Variants in ZBED4 observed in about 807,000 individuals in gnomAD.
ZBED4 encodes zinc finger BED domain-containing protein 4.
Under a neutral mutation model 15.5 loss-of-function variants are expected in ZBED4, and 4 were observed. The ratio of observed to expected loss-of-function variants is 0.26; its 90% CI spans 0.13 to 0.59. The LOEUF is 0.59. ZBED4 is among the 20% of genes least tolerant of loss of function. The probability of loss-of-function intolerance (pLI) is 0.90; values close to 1 mark genes in which losing one functional copy is unlikely to be tolerated. For missense variants in ZBED4, 1,323 were observed against 1,461.8 expected, an observed-to-expected ratio of 0.91 and a Z score of 1.55; for synonymous variants, 692 against 608.5, an observed-to-expected ratio of 1.14 and a Z score of -2.02.
At chr22:49,870,654 T>C (rs1262478351) in intron 1 of ZBED4, among the ~76,000 whole-genome samples, 3 of 152,176 alleles carry the variant, frequency 2.0e-5, no homozygotes, top group Non-Finnish European at 2.9e-5. Context: ...TGTCCTTTGC[T>C]TGCTTTTTAA....
At position 49,884,107 on chromosome 22, in the gene ZBED4, G is replaced by A. The variant is rs2060423670; in HGVS notation, c.445G>A (p.Glu149Lys). The A allele has an allele frequency of 3.7e-6, 6 of 1,613,344 alleles. No individual in the cohort carries two copies. Among genetic ancestry groups the A allele is most frequent in the African/African-American group, 1.3e-5 (1 of 74,890 alleles). Reference protein sequence around the residue: ...CVKEFSRGKNEKDLSTSCLMR... With the variant: ...CVKEFSRGKNKKDLSTSCLMR... ...GAAGGAGTTCAGCAGAGGCAAAAAC[G>A]AGAAAGACTTGAGTACCAGTTGTCT... Residue 149 changes from glutamate (E) to lysine (K), a missense_variant, in exon 2 of 2, where the codon GAG becomes AAG. Physicochemically the swap from Glu to Lys is moderately conservative, Grantham distance 56 (BLOSUM62 1). Transcript: ENST00000216268.
In ZBED4 at chr22:49,856,006, C is replaced by T. The variant is rs572152932; in HGVS notation, c.-330+2017C>T. 2.3e-3 allele frequency among the ~76,000 whole-genome samples: 357 copies of T among 152,364 alleles called. 1 individual carries two copies. Among genetic ancestry groups the T allele is most frequent in the Non-Finnish European group, 2.7e-3 (187 of 68,026 alleles). On this transcript the variant is annotated intron_variant, in intron 1 of 1. Coordinates refer to ENST00000216268, the MANE Select transcript of ZBED4 (RefSeq NM_014838.3). ...TTAGTGTCTGTGGATTCCAGCAGCT[C>T]TCTGGCTTCAGCCCTTTCAAGGATT...
At chr22:49,862,391 AC>A (rs1218468004) in intron 1 of ZBED4, among the ~76,000 whole-genome samples, 1 of 152,286 alleles carries the variant, frequency 6.6e-6, no homozygotes, top group African/African-American at 2.4e-5. Flanking sequence ...GGCGTAAGCC[AC>A]TGCGCCCAGC....
Position 49,885,708 on chromosome 22 carries a change from C to G in ZBED4, c.2046C>G (p.Asn682Lys). Residue 682 changes from asparagine to lysine, a missense_variant, in exon 2 of 2, where the codon AAC becomes AAG. Physicochemically the swap from Asn to Lys is moderately conservative, Grantham distance 94. Transcript: ENST00000216268. ...PYSFVDNVGF[N>K]RLLEYLKPQY... ...CTTTTGTAGACAACGTTGGCTTTAACAGGCTGCTTGAATACTTGAAACCTC... is the reference window on the plus strand; with the variant it reads ...CTTTTGTAGACAACGTTGGCTTTAAGAGGCTGCTTGAATACTTGAAACCTC... 1 of 1,608,536 alleles carries G rather than the reference C, an allele frequency of 6.2e-7. No individual in the cohort carries two copies.
chr22:49,859,253 G>A (rs1900356268), intron 1 of ZBED4, among the ~76,000 whole-genome samples: 1 of 152,108 alleles, frequency 6.6e-6, no homozygotes, highest in Non-Finnish European at 1.5e-5. Flanking sequence ...ATTCTTAGCG[G>A]AAGATGGTCT....
intron 1 of ZBED4, among the ~76,000 whole-genome samples, chr22:49,877,129 C>G (rs1014885314): frequency 6.6e-6 from 1 of 151,916 alleles, no homozygotes; most frequent in Non-Finnish European, 1.5e-5. Context: ...AATTTTTTTT[C>G]CTAAACGAGA....
chr22:49,873,458 AT>A (rs1418600946), intron 1 of ZBED4, among the ~76,000 whole-genome samples: 2 of 152,176 alleles, frequency 1.3e-5, no homozygotes, highest in East Asian at 3.8e-4. Context: ...GCTCACGTTA[AT>A]TACGATGGTA....
chr22:49,860,413 G>T (rs1036923500), intron 1 of ZBED4, among the ~76,000 whole-genome samples: 3 of 152,088 alleles, frequency 2.0e-5, no homozygotes, highest in African/African-American at 7.2e-5. Context: ...GCCTTGTTTT[G>T]TGCTAAAATG....
intron 1 of ZBED4, among the ~76,000 whole-genome samples, chr22:49,880,212 C>A (rs2060401629): frequency 6.6e-6 from 1 of 152,096 alleles, no homozygotes; most frequent in African/African-American, 2.4e-5. Context: ...TCAGTCCGGA[C>A]CCTTCTGACC....
chr22:49,884,798 C>T lies in ZBED4; in HGVS notation c.1136C>T (p.Pro379Leu), dbSNP rs145976876. ...LSSVSSSPVK[P>L]VRESPSASSS... ...TCTGTGTCCTCGTCTCCAGTAAAGC[C>T]GGTCAGAGAGTCCCCTTCGGCCTCC... is the stretch of plus-strand genomic sequence containing the variant. The change falls in exon 2 of 2, where the codon CCG (proline) becomes CTG (leucine). Residue 379 changes from proline (P) to leucine (L), a missense_variant. By Grantham distance (98) the Pro-to-Leu change is moderately conservative (BLOSUM62 -3). Coordinates refer to ENST00000216268, the MANE Select transcript of ZBED4 (RefSeq NM_014838.3). The T allele has an allele frequency of 4.1e-3, 6,550 of 1,609,236 alleles. 22 individuals carry two copies. The highest frequency in any genetic ancestry group is 0.011 in the Middle Eastern group (64 of 6,042).
intron 1 of ZBED4, among the ~76,000 whole-genome samples, chr22:49,866,891 C>T (rs578221924): frequency 7.2e-5 from 11 of 152,306 alleles, no homozygotes; most frequent in Admixed American, 2.0e-4. Context: ...CGGTGGCTCT[C>T]GGCAAATGCA....
At chr22:49,862,370 C>T (rs572678311) in intron 1 of ZBED4, among the ~76,000 whole-genome samples, 5 of 152,378 alleles carry the variant, frequency 3.3e-5, no homozygotes, top group African/African-American at 1.2e-4. Flanking sequence ...CTGCAAGTAG[C>T]TGGGACTACG....
intron 1 of ZBED4, among the ~76,000 whole-genome samples, chr22:49,874,947 T>C (rs2060368525): frequency 3.9e-5 from 6 of 152,208 alleles, no homozygotes; most frequent in Admixed American, 3.3e-4. Context: ...CCTCCCAAAG[T>C]GTTGGGATTA....
Position 49,853,891 on chromosome 22 carries a change from G to A in ZBED4, c.-428G>A, listed in dbSNP as rs1381454093. 4 of 144,720 alleles carry A rather than the reference G, an allele frequency of 2.8e-5. No individual in the cohort carries two copies. Among genetic ancestry groups the A allele is most frequent in the Non-Finnish European group, 6.1e-5 (4 of 65,242 alleles). The allele number at this position is 144,720 out of a possible 1,614,324, so 9.0% of individuals were successfully genotyped here. ...GCGGCGGGCGGCGGGGCCGCGGGAG[G>A]GGCGCGGGGGCAGACAAAGCCGCGG... On this transcript the variant is annotated 5_prime_UTR_variant, in exon 1 of 2. Transcript: ENST00000216268.
intron 1 of ZBED4, among the ~76,000 whole-genome samples, chr22:49,875,506 CA>C: frequency 1.3e-5 from 2 of 151,642 alleles, no homozygotes; most frequent in South Asian, 4.2e-4. Context: ...CTGCAGCCTC[CA>C]CCTCCCGGGT....
intron 1 of ZBED4, among the ~76,000 whole-genome samples, chr22:49,863,625 C>CAAAA: frequency 1.1e-5 from 1 of 94,326 alleles, no homozygotes; most frequent in South Asian, 3.1e-4. Flanking sequence ...GACTCCGTCT[C>CAAAA]AAAAAAAAAA....
intron 1 of ZBED4, among the ~76,000 whole-genome samples, chr22:49,857,050 C>T (rs1241324529): frequency 1.3e-5 from 2 of 152,216 alleles, no homozygotes; most frequent in South Asian, 2.1e-4. Context: ...GCCCCCCGCC[C>T]TTCCTGCCTT....
At chr22:49,862,025 T>C (rs545276127) in intron 1 of ZBED4, among the ~76,000 whole-genome samples, 10 of 152,314 alleles carry the variant, frequency 6.6e-5, no homozygotes, top group African/African-American at 2.2e-4. Flanking sequence ...CATTTGGATT[T>C]TTGCCAGGAT....
rs571481002 is a variant in ZBED4 at position 49,885,316 on chromosome 22, A to G, written c.1654A>G (p.Met552Val). ...AGTGGTCACAAAAAACAATCAAGTT[A>G]TGTTTCCTGTTAATAGCAAAAAGAC... ...PTVVTKNNQV[M>V]FPVNSKKTSK... is the part of the protein sequence containing the mutation. Residue 552 changes from methionine to valine, a missense_variant, in exon 2 of 2, where the codon ATG (methionine) becomes GTG (valine). Physicochemically the swap from Met to Val is conservative, Grantham distance 21. Coordinates refer to ENST00000216268, the MANE Select transcript of ZBED4 (RefSeq NM_014838.3). 3.8e-6 allele frequency: 6 copies of G among 1,593,586 alleles called. No individual in the cohort carries two copies. In the South Asian group the frequency reaches 5.6e-5, roughly 15 times the overall value.
Sources: allele counts gnomAD v4.1 joint callset (sites outside exome capture counted in the v4.1 genomes callset), GRCh38; gene constraint gnomAD v4.1.1; transcripts MANE v1.5; gene names NCBI Gene and HGNC (gene_info 2026-07-23, HGNC 2026-07-21).